Variants in KCNH7 observed in about 807,000 individuals in gnomAD.
The protein encoded by KCNH7 is potassium voltage-gated channel subfamily H member 7.
Under a neutral mutation model 120.8 loss-of-function variants are expected in KCNH7, and 49 were observed. The ratio of observed to expected loss-of-function variants is 0.41; its 90% CI spans 0.32 to 0.51. The LOEUF (loss-of-function observed/expected upper bound fraction) is 0.51. Ranked by LOEUF, KCNH7 falls within the 20% of genes least tolerant of loss-of-function variation. The probability of loss-of-function intolerance (pLI) is 0.38; values close to 1 mark genes in which losing one functional copy is unlikely to be tolerated. For missense variants in KCNH7, 1,097 were observed against 1,446.6 expected, an observed-to-expected ratio of 0.76 and a Z score of 3.92; for synonymous variants, 547 against 516.1, an observed-to-expected ratio of 1.06 and a Z score of -0.81.
intron 2 of KCNH7, among the ~76,000 whole-genome samples, chr2:162,655,167 T>A (rs887431008): frequency 6.6e-6 from 1 of 152,296 alleles, no homozygotes; most frequent in South Asian, 2.1e-4. Flanking sequence ...AAGTAATGCA[T>A]ACATTAATTA....
intron 2 of KCNH7, among the ~76,000 whole-genome samples, chr2:162,593,602 G>A (rs753549701): frequency 5.3e-5 from 8 of 151,812 alleles, no homozygotes; most frequent in East Asian, 3.9e-4. Context: ...AATAAGAATC[G>A]CCACTTCTCA....
chr2:162,447,162 G>A (rs968486579), intron 6 of KCNH7, among the ~76,000 whole-genome samples: 1 of 152,048 alleles, frequency 6.6e-6, no homozygotes, highest in African/African-American at 2.4e-5. Context: ...ACCTGGAAAT[G>A]TTGCAAGGTG....
intron 6 of KCNH7, among the ~76,000 whole-genome samples, chr2:162,457,966 A>G (rs1348295607): frequency 6.6e-6 from 1 of 152,212 alleles, no homozygotes; most frequent in Non-Finnish European, 1.5e-5. Flanking sequence ...AAAGCATCAC[A>G]CAATAAATCA....
intron 2 of KCNH7, among the ~76,000 whole-genome samples, chr2:162,741,197 A>ATTATACATATTAATAACATGTTATTAG (rs200523505): frequency 2.3e-5 from 3 of 129,946 alleles, no homozygotes; most frequent in Admixed American, 1.4e-4. Context: ...TATGTTATTA[A>ATTATACATATTAATAACATGTTATTAG]TTATACATAT....
At chr2:162,741,427 T>C (rs1401772260) in intron 2 of KCNH7, among the ~76,000 whole-genome samples, 1 of 151,570 alleles carries the variant, frequency 6.6e-6, no homozygotes, top group Admixed American at 6.6e-5. Context: ...AATAGAGTTG[T>C]CATGTATATT....
At chr2:162,674,229 G>T (rs1355242912) in intron 2 of KCNH7, among the ~76,000 whole-genome samples, 1 of 151,760 alleles carries the variant, frequency 6.6e-6, no homozygotes, top group Non-Finnish European at 1.5e-5. Context: ...AGATAAAAGT[G>T]TTAGAGAATG....
chr2:162,798,130 T>C lies in KCNH7; in HGVS notation c.307+38407A>G, dbSNP rs374881797. Among the ~76,000 whole-genome samples, 10 of 152,190 alleles carry C rather than the reference T, an allele frequency of 6.6e-5. No homozygotes were observed. In the East Asian group the frequency reaches 1.2e-3, roughly 18 times the overall value. On this transcript the variant is annotated intron_variant, in intron 2 of 15. Transcript: ENST00000332142. ...AGGTAAAAATCTATCTCCTTCTGTG[T>C]CCCATGTAAACTATACATAGTTATA...
intron 7 of KCNH7, among the ~76,000 whole-genome samples, chr2:162,437,178 A>C (rs1688268913): frequency 6.6e-6 from 1 of 152,262 alleles, no homozygotes; most frequent in Non-Finnish European, 1.5e-5. Flanking sequence ...GTGCCATAGC[A>C]ATCACAAGGG....
intron 2 of KCNH7, among the ~76,000 whole-genome samples, chr2:162,751,097 T>G (rs369486298): frequency 1.3e-5 from 2 of 152,000 alleles, no homozygotes. Flanking sequence ...TAGGAGTCCA[T>G]TGGTGTGATA....
chr2:162,576,173 C>T (rs1249633137), intron 2 of KCNH7, among the ~76,000 whole-genome samples: 4 of 151,980 alleles, frequency 2.6e-5, no homozygotes, highest in Admixed American at 2.0e-4. Context: ...GAATTCAAAT[C>T]CTCTCATAAA....
chr2:162,691,116 C>G (rs949535347), intron 2 of KCNH7, among the ~76,000 whole-genome samples: 2 of 152,114 alleles, frequency 1.3e-5, no homozygotes, highest in African/African-American at 4.8e-5. Flanking sequence ...AAACAGACAT[C>G]TCTCCAAACA....
chr2:162,564,976 AG>A (rs1217677077), intron 2 of KCNH7, among the ~76,000 whole-genome samples: 1 of 152,128 alleles, frequency 6.6e-6, no homozygotes, highest in African/African-American at 2.4e-5. Flanking sequence ...AGGCTAATTC[AG>A]CTCAGAGATG....
Position 162,838,549 on chromosome 2 carries a change from C to T in KCNH7, c.-31G>A. ...CCCCGGTCTTCCGAGGAGCGCTCCC[C>T]CGGAGCTCTGGAGTTCTCCCGGGAT... On this transcript the variant is annotated 5_prime_UTR_variant, in exon 1 of 16. Coordinates refer to ENST00000332142, the MANE Select transcript of KCNH7 (RefSeq NM_033272.4). 1.3e-6 allele frequency: 2 copies of T among 1,579,908 alleles called. No individual in the cohort carries two copies. Among genetic ancestry groups the T allele is most frequent in the Non-Finnish European group, 1.7e-6 (2 of 1,153,694 alleles).
intron 6 of KCNH7, among the ~76,000 whole-genome samples, chr2:162,497,425 G>A (rs1003532729): frequency 4.6e-5 from 7 of 152,158 alleles, no homozygotes; most frequent in Admixed American, 1.3e-4. Context: ...ACAAGAGACC[G>A]TGCTGGAAAT....
intron 2 of KCNH7, among the ~76,000 whole-genome samples, chr2:162,560,701 A>T (rs1042721277): frequency 3.9e-5 from 6 of 152,226 alleles, no homozygotes; most frequent in African/African-American, 1.4e-4. Context: ...CATTCTTCAG[A>T]TGCTGAAATT....
chr2:162,694,768 G>C (rs1311816451), intron 2 of KCNH7, among the ~76,000 whole-genome samples: 1 of 151,328 alleles, frequency 6.6e-6, no homozygotes, highest in South Asian at 2.1e-4. Flanking sequence ...TTTTTAGACG[G>C]AGTCTCGCTC....
chr2:162,400,508 A>G (rs1687037624), intron 9 of KCNH7, 67 bp from the exon 10 acceptor site: 1 of 1,530,670 alleles, frequency 6.5e-7, no homozygotes, highest in Non-Finnish European at 9.0e-7. Context: ...AATACAGTCA[A>G]TTTCTTGCTC....
intron 2 of KCNH7, among the ~76,000 whole-genome samples, chr2:162,752,835 A>G (rs1688602259): frequency 6.7e-6 from 1 of 149,448 alleles, no homozygotes; most frequent in Non-Finnish European, 1.5e-5. Flanking sequence ...CAGGAGGCAG[A>G]GGTTGCAGTG....
chr2:162,388,686 A>G (rs537911536), intron 12 of KCNH7, among the ~76,000 whole-genome samples: 15 of 152,078 alleles, frequency 9.9e-5, no homozygotes, highest in Non-Finnish European at 1.6e-4. Flanking sequence ...TTCTATAAAA[A>G]TAAGTTTATC....
Sources: gnomAD v4.1 joint callset for allele counts (sites outside exome capture counted in the v4.1 genomes callset) on GRCh38, gnomAD v4.1.1 for gene constraint, MANE v1.5 for transcripts, NCBI Gene and HGNC (gene_info 2026-07-23, HGNC 2026-07-21) for gene names.